Variants in CYP4V2 observed in about 807,000 individuals in gnomAD.
The protein encoded by CYP4V2 is cytochrome P450 family 4 subfamily V member 2.
CYP4V2 carries 55 observed loss-of-function variants against 60.8 expected under a neutral mutation model. That is an observed-to-expected ratio of 0.90 (90% CI 0.73 to 1.13). The LOEUF (loss-of-function observed/expected upper bound fraction) is 1.13. CYP4V2 is among the 50% of genes most tolerant of loss of function. The pLI is 0.00. For missense variants in CYP4V2, 675 were observed against 662.9 expected (o/e 1.02, Z -0.20); for synonymous variants, 239 against 236.8 (o/e 1.01, Z -0.08).
chr4:186,194,746 A>C, intron 2 of CYP4V2, 134 bp downstream of exon 2: 2 of 787,496 alleles, frequency 2.5e-6, no homozygotes, highest in Non-Finnish European at 4.2e-6. Flanking sequence ...ATTTTAGACT[A>C]TATAGGTGCA....
rs750786252 is a variant in CYP4V2 at position 186,196,963 on chromosome 4, G to A, written c.437G>A (p.Arg146Lys). 6.2e-7 allele frequency: 1 copy of A among 1,613,356 alleles called. No individual in the cohort carries two copies. The highest frequency in any genetic ancestry group is 8.5e-7 in the Non-Finnish European group (1 of 1,180,020). ...LTSTGNKWRS[R>K]RKMLTPTFHF... is the part of the protein sequence containing the mutation. ...AGTACTGGAAACAAATGGCGCTCCA[G>A]GAGAAAGATGTTAACACCCACTTTC... Residue 146 changes from arginine (R) to lysine (K), a missense_variant, in exon 4 of 11, where the codon AGG becomes AAG. Transcript: ENST00000378802.
intron 2 of CYP4V2, 48 bp downstream of exon 2, chr4:186,194,660 G>A (rs764071280): frequency 2.0e-6 from 3 of 1,492,318 alleles, no homozygotes; most frequent in Non-Finnish European, 2.8e-6. Flanking sequence ...ATCTGACAGT[G>A]TGAGAATCTC....
At chr4:186,200,494 A>G (rs1160604694) in intron 6 of CYP4V2, among the ~76,000 whole-genome samples, 1 of 152,258 alleles carries the variant, frequency 6.6e-6, no homozygotes, top group African/African-American at 2.4e-5. Context: ...TAACGTAAGT[A>G]TAATATCACA....
chr4:186,212,095 C>A lies in CYP4V2; in HGVS notation c.*1454C>A, dbSNP rs963381797. The A allele has an allele frequency of 6.6e-6, 1 of 152,062 alleles. No individual in the cohort carries two copies. The highest frequency in any genetic ancestry group is 2.4e-5 in the African/African-American group (1 of 41,380). The allele number at this position is 152,062 out of a possible 1,614,324, so 9.4% of individuals were successfully genotyped here. A position where few individuals can be genotyped will look rare whatever the true frequency, so the allele number is the denominator to read the frequency against. On this transcript the variant is annotated 3_prime_UTR_variant, in exon 11 of 11. Transcript: ENST00000378802. ...TAGAATCAATAAGACAGTTTCTGCC[C>A]AAAGTCATGTTACCAGTTGGTGACA...
rs1330061075 is a variant in CYP4V2 at position 186,209,107 on chromosome 4, C to T, written c.1240C>T (p.Leu414=). The stretch of plus-strand genomic sequence containing the variant: ...CTTCTTGACAGCAGGTTACAGAGTT[C>T]TAAAAGGCACTGAAGCCGTCATCAT... ...EDCEVAGYRV[L]KGTEAVIIPY... Residue 414 remains leucine, a synonymous_variant, in exon 10 of 11, where the codon CTA becomes TTA. Coordinates refer to ENST00000378802, the MANE Select transcript of CYP4V2 (RefSeq NM_207352.4). 3.7e-6 allele frequency: 6 copies of T among 1,614,038 alleles called. No individual in the cohort carries two copies. In the African/African-American group the frequency reaches 6.7e-5, roughly 18 times the overall value.
intron 4 of CYP4V2, 51 bp downstream of exon 4, chr4:186,197,181 C>T: frequency 2.5e-6 from 4 of 1,598,530 alleles, no homozygotes; most frequent in Non-Finnish European, 3.4e-6. Flanking sequence ...AGAAAATGGC[C>T]CAAACAGGAA....
At position 186,199,030 on chromosome 4, in the gene CYP4V2, G is replaced by C. The variant is rs372138232; in HGVS notation, c.748G>C (p.Glu250Gln). 8 of 1,614,108 alleles carry C rather than the reference G, an allele frequency of 5.0e-6. No individual in the cohort carries two copies. In the South Asian group the frequency reaches 5.5e-5, roughly 11 times the overall value. Residue 250 changes from glutamate to glutamine, a missense_variant, in exon 6 of 11, where the codon GAA becomes CAA. Coordinates refer to ENST00000378802, the MANE Select transcript of CYP4V2 (RefSeq NM_207352.4). ...TGATCTCTGGTACCTTATGTTTAAA[G>C]AAGGATGGGAACACAAAAAGAGCCT... Reference protein sequence around the residue: ...WLDLWYLMFKEGWEHKKSLQI... With the variant: ...WLDLWYLMFKQGWEHKKSLQI...
intron 8 of CYP4V2, among the ~76,000 whole-genome samples, chr4:186,207,386 T>A (rs915244466): frequency 7.6e-5 from 10 of 131,920 alleles, no homozygotes; most frequent in African/African-American, 2.6e-4. Context: ...CATTCCAGCC[T>A]GGGCAGCAGA....
chr4:186,209,081 A>G lies in CYP4V2; in HGVS notation c.1226-12A>G. The G allele has an allele frequency of 6.2e-7, 1 of 1,614,042 alleles. No individual in the cohort carries two copies. The highest frequency in any genetic ancestry group is 8.5e-7 in the Non-Finnish European group (1 of 1,180,000). On this transcript the variant is annotated splice_polypyrimidine_tract_variant and intron_variant, in intron 9 of 10. Coordinates refer to ENST00000378802, the MANE Select transcript of CYP4V2 (RefSeq NM_207352.4). ...GCTCCGGTCTCATAATGTATTGACT[A>G]CTTCTTGACAGCAGGTTACAGAGTT...
chr4:186,196,764 T>C, intron 3 of CYP4V2, 176 bp from the exon 4 acceptor site: 1 of 604,076 alleles, frequency 1.7e-6, no homozygotes. Flanking sequence ...ATTTTATAGA[T>C]ATGTGTATAT....
intron 5 of CYP4V2, 79 bp downstream of exon 5, chr4:186,197,681 T>C: frequency 2.1e-6 from 3 of 1,455,322 alleles, no homozygotes; most frequent in Middle Eastern, 3.5e-4. Flanking sequence ...ATTTCTGCGT[T>C]GTATCTTTTT....
chr4:186,197,176 A>G lies in CYP4V2; in HGVS notation c.604+46A>G, dbSNP rs768759783. The stretch of plus-strand genomic sequence containing the variant: ...TCTAAATTTATGGCATAAAGAGAAA[A>G]TGGCCCAAACAGGAAATCACACTCC... On this transcript the variant is annotated intron_variant, in intron 4 of 10. Transcript: ENST00000378802. The G allele has an allele frequency of 8.7e-6, 14 of 1,605,244 alleles. No homozygotes were observed. In the Admixed American group the frequency reaches 2.2e-4, roughly 25 times the overall value.
rs564250725 is a variant in CYP4V2, at chr4:186,205,776, T to A, written c.1090+474T>A. Among the ~76,000 whole-genome samples, 8 of 152,296 alleles carry A rather than the reference T, an allele frequency of 5.3e-5. No individual in the cohort carries two copies. The East Asian group carries it at 1.2e-3, about 22-fold the overall frequency. On this transcript the variant is annotated intron_variant, in intron 8 of 10. Transcript: ENST00000378802. ...CAGCCCGGAGGAAAAGTCCTGCCAG[T>A]AGGATGTCCAGGGTCCCAGACTTGC... is the stretch of plus-strand genomic sequence containing the variant.
chr4:186,194,376 T>C, intron 1 of CYP4V2, 124 bp from the exon 2 acceptor site: 1 of 828,316 alleles, frequency 1.2e-6, no homozygotes. Flanking sequence ...TCTACCTGGC[T>C]TCCTCTAACA....
At position 186,201,340 on chromosome 4, in the gene CYP4V2, G is replaced by C. The variant is rs1736302094; in HGVS notation, c.985G>C (p.Glu329Gln). 2 of 1,614,026 alleles carry C rather than the reference G, an allele frequency of 1.2e-6. No individual in the cohort carries two copies. The highest frequency in any genetic ancestry group is 1.7e-6 in the Non-Finnish European group (2 of 1,179,960). The change falls in exon 7 of 11, where the codon GAG becomes CAG. Residue 329 changes from glutamate (E) to glutamine (Q), a missense_variant and splice_region_variant. Transcript: ENST00000378802. ...AGAAGAAGTTGACACCTTCATGTTT[G>C]AGGTATTGTATATTGTTAGGTTCAG... Reference protein sequence around the residue: ...IREEVDTFMFEGHDTTAAAIN... With the variant: ...IREEVDTFMFQGHDTTAAAIN...
intron 7 of CYP4V2, chr4:186,202,717 C>A (rs1185346329): frequency 6.6e-6 from 1 of 152,216 alleles, no homozygotes; most frequent in African/African-American, 2.4e-5. Context: ...CACACATACA[C>A]AAACACATGC....
Position 186,208,486 on chromosome 4 carries a change from G to A in CYP4V2, c.1091-379G>A, listed in dbSNP as rs371921133. On this transcript the variant is annotated intron_variant, in intron 8 of 10. Transcript: ENST00000378802. ...TTCTTCTTTGAAGGGTATTTGATGC[G>A]TATTTAGCATCTAGTACCTTGATCC... Among the ~76,000 whole-genome samples, 32 of 144,080 alleles carry A rather than the reference G, an allele frequency of 2.2e-4. 1 individual carries two copies. In the East Asian group the frequency reaches 2.5e-3, roughly 11 times the overall value. 94.5% of individuals were successfully genotyped at this position (144,080 alleles called of 152,430 possible). A position where few individuals can be genotyped will look rare whatever the true frequency, so the allele number is the denominator to read the frequency against.
chr4:186,207,593 C>T (rs1325636111), intron 8 of CYP4V2, among the ~76,000 whole-genome samples: 1 of 145,822 alleles, frequency 6.9e-6, no homozygotes, highest in Non-Finnish European at 1.5e-5. Flanking sequence ...ATAATTAATA[C>T]TTTGCAAGTA....
chr4:186,194,465 C>G, intron 1 of CYP4V2, 35 bp from the exon 2 acceptor site: 1 of 1,559,994 alleles, frequency 6.4e-7, no homozygotes, highest in Non-Finnish European at 8.8e-7. Context: ...ACTTTCTCAT[C>G]TTGATTGAAT....
Sources: gnomAD v4.1 joint callset for allele counts (sites outside exome capture counted in the v4.1 genomes callset) on GRCh38, gnomAD v4.1.1 for gene constraint, MANE v1.5 for transcripts, NCBI Gene and HGNC (gene_info 2026-07-23, HGNC 2026-07-21) for gene names.